CLASP2: variants seen among roughly 807,000 people sequenced by gnomAD.
The protein encoded by CLASP2 is CLIP-associating protein 2.
A neutral mutation model predicts 194.4 loss-of-function variants in CLASP2; 47 were observed. The ratio of observed to expected loss-of-function variants is 0.24; its 90% confidence interval spans 0.19 to 0.31. CLASP2 has a LOEUF of 0.31. Among genes scored for constraint, CLASP2 ranks in the 10% least tolerant of loss-of-function variants. The pLI is 1.00. For synonymous variants in CLASP2, 619 were observed against 633.5 expected, an observed-to-expected ratio of 0.98 and a Z score of 0.34; for missense variants, 1,445 against 1,823.6, an observed-to-expected ratio of 0.79 and a Z score of 3.78.
intron 34 of CLASP2, among the ~76,000 whole-genome samples, chr3:33,518,142 T>C (rs957007814): frequency 6.6e-6 from 1 of 152,210 alleles, no homozygotes; most frequent in African/African-American, 2.4e-5. Flanking sequence ...CAGAACAGAT[T>C]CTTAATATAG....
chr3:33,623,527 T>A (rs2077468908), intron 10 of CLASP2, among the ~76,000 whole-genome samples: 1 of 152,138 alleles, frequency 6.6e-6, no homozygotes, highest in Non-Finnish European at 1.5e-5. Flanking sequence ...ACATGCAATC[T>A]TTTTCTTCCT....
intron 7 of CLASP2, among the ~76,000 whole-genome samples, chr3:33,649,254 C>T (rs1025879594): frequency 1.3e-4 from 20 of 152,194 alleles, no homozygotes; most frequent in Admixed American, 1.3e-4. Context: ...CTTCCCAACA[C>T]CCTGGTACTC....
intron 37 of CLASP2, chr3:33,502,856 AT>A (rs1433686310): frequency 2.0e-5 from 3 of 152,206 alleles, no homozygotes; most frequent in Non-Finnish European, 4.4e-5. Context: ...ATTTTCCATC[AT>A]TTTAATATAA....
chr3:33,591,667 CAT>C (rs1453490958), intron 21 of CLASP2, among the ~76,000 whole-genome samples: 1 of 152,124 alleles, frequency 6.6e-6, no homozygotes, highest in East Asian at 1.9e-4. Flanking sequence ...TATTCTGAAA[CAT>C]AGAAATAATT....
intron 29 of CLASP2, among the ~76,000 whole-genome samples, chr3:33,556,289 G>T (rs997493894): frequency 7.2e-5 from 11 of 152,118 alleles, no homozygotes; most frequent in African/African-American, 2.7e-4. Context: ...GTTACATGTG[G>T]TTTTCTATAA....
At chr3:33,711,699 C>T (rs767751437) in intron 1 of CLASP2, among the ~76,000 whole-genome samples, 1 of 151,964 alleles carries the variant, frequency 6.6e-6, no homozygotes, top group Non-Finnish European at 1.5e-5. Flanking sequence ...ATTATCCCAT[C>T]AAAAAGTGGG....
At chr3:33,656,265 A>G (rs1244753474) in intron 7 of CLASP2, among the ~76,000 whole-genome samples, 2 of 152,340 alleles carry the variant, frequency 1.3e-5, no homozygotes, top group East Asian at 3.9e-4. Context: ...TATTCAATAG[A>G]TAATAGATTA....
chr3:33,683,931 C>CAA (rs35349805), intron 6 of CLASP2, among the ~76,000 whole-genome samples: 111 of 78,768 alleles, frequency 1.4e-3, no homozygotes, highest in African/African-American at 3.5e-3. Context: ...GACTCTGTCT[C>CAA]AAAAAAAAAA....
At chr3:33,696,485 A>G (rs1414164747) in intron 2 of CLASP2, among the ~76,000 whole-genome samples, 1 of 124,930 alleles carries the variant, frequency 8.0e-6, no homozygotes, top group Non-Finnish European at 1.7e-5. Flanking sequence ...TTTTTTTTTG[A>G]GACAGAGTCT....
At chr3:33,677,613 G>A (rs2088981168) in intron 6 of CLASP2, among the ~76,000 whole-genome samples, 1 of 149,586 alleles carries the variant, frequency 6.7e-6, no homozygotes, top group Admixed American at 6.7e-5. Context: ...TAGATGACGA[G>A]TTAGTGGGTG....
chr3:33,563,729 T>G (rs1409730612), intron 27 of CLASP2, among the ~76,000 whole-genome samples: 1 of 152,312 alleles, frequency 6.6e-6, no homozygotes, highest in East Asian at 1.9e-4. Flanking sequence ...GTTTGTCAAC[T>G]CATGTCTCTT....
chr3:33,552,264 G>A (rs898862205), intron 29 of CLASP2, among the ~76,000 whole-genome samples: 10 of 151,446 alleles, frequency 6.6e-5, no homozygotes, highest in African/African-American at 1.4e-4. Context: ...AATTACAGGC[G>A]CCCGCCACTA....
At chr3:33,713,012 CAAAA>C (rs57940200) in intron 1 of CLASP2, among the ~76,000 whole-genome samples, 16 of 47,004 alleles carry the variant, frequency 3.4e-4, no homozygotes, top group South Asian at 1.7e-3. Context: ...AACTCCACCT[CAAAA>C]AAAAAAAAAA....
chr3:33,599,927 A>G (rs2071559595), intron 18 of CLASP2, among the ~76,000 whole-genome samples: 1 of 152,222 alleles, frequency 6.6e-6, no homozygotes, highest in African/African-American at 2.4e-5. Context: ...ACAATGAAAC[A>G]TGAAATTCAA....
In CLASP2 at chr3:33,717,963, G is replaced by C; in HGVS notation, c.40C>G (p.Gln14Glu). Reference sequence around the variant, plus strand: ...AGCCGGCCGCCGACGTCCTTCTGCTGCACCTGGGCGCAGAAGTACTCCATG... The same window carrying C: ...AGCCGGCCGCCGACGTCCTTCTGCTCCACCTGGGCGCAGAAGTACTCCATG... Reference protein sequence around the residue: ...RSMEYFCAQVQQKDVGGRLQV... With the variant: ...RSMEYFCAQVEQKDVGGRLQV... Residue 14 changes from glutamine to glutamate, a missense_variant, in exon 1 of 39, where the codon CAG becomes GAG. By Grantham distance (29) the Gln-to-Glu change is conservative. Transcript: ENST00000682230. 6.5e-7 allele frequency: 1 copy of C among 1,542,520 alleles called. No individual in the cohort carries two copies. Among genetic ancestry groups the C allele is most frequent in the Non-Finnish European group, 8.7e-7 (1 of 1,146,070 alleles).
intron 7 of CLASP2, among the ~76,000 whole-genome samples, chr3:33,655,304 G>GACTGCCTTAGAAGGAC (rs2083954783): frequency 6.6e-6 from 1 of 152,116 alleles, no homozygotes; most frequent in Admixed American, 6.5e-5. Flanking sequence ...CGTTAAATGA[G>GACTGCCTTAGAAGGAC]ACTGCCTTAG....
In CLASP2 at chr3:33,608,570, T is replaced by TC; in HGVS notation, c.1444dup (p.Glu482GlyfsTer9). The TC allele has an allele frequency of 6.2e-7, 1 of 1,610,548 alleles. No homozygotes were observed. Among genetic ancestry groups the TC allele is most frequent in the East Asian group, 2.2e-5 (1 of 44,838 alleles). ...GGAAGGAAGAGGGAATGCATACCTT[T>TC]CCAATGAATGAGTCTGCCACTCTTG... On this transcript the variant is annotated frameshift_variant, in exon 14 of 39. Coordinates refer to ENST00000682230, the MANE Select transcript of CLASP2 (RefSeq NM_001365631.1). LOFTEE classifies it high-confidence loss of function.
intron 21 of CLASP2, chr3:33,588,769 T>C: frequency 1.4e-6 from 1 of 701,698 alleles, no homozygotes; most frequent in Middle Eastern, 2.3e-4. Flanking sequence ...GTAAGGATTA[T>C]AATCCATGAA....
chr3:33,633,889 A>G (rs2079589697), intron 8 of CLASP2, among the ~76,000 whole-genome samples: 2 of 152,248 alleles, frequency 1.3e-5, no homozygotes, highest in African/African-American at 2.4e-5. Flanking sequence ...GGACAGTATG[A>G]GAATATCTAA....
Sources: gnomAD v4.1 joint callset for allele counts (sites outside exome capture counted in the v4.1 genomes callset) on GRCh38, gnomAD v4.1.1 for gene constraint, MANE v1.5 for transcripts, NCBI Gene and HGNC (gene_info 2026-07-23, HGNC 2026-07-21) for gene names.